Variants in GRIA1 observed in about 807,000 individuals in gnomAD.
GRIA1 encodes the protein glutamate receptor 1.
GRIA1 carries 31 observed loss-of-function variants against 99.2 expected under a neutral mutation model. That is an observed-to-expected ratio of 0.31 (90% CI 0.23 to 0.42). The LOEUF (loss-of-function observed/expected upper bound fraction) is 0.42, where lower values mean the gene tolerates loss of function less well. Ranked by LOEUF, GRIA1 falls within the 10% of genes least tolerant of loss-of-function variation. The pLI is 1.00. For missense variants in GRIA1, 782 were observed against 1,157.5 expected (o/e 0.68, Z 4.71); for synonymous variants, 438 against 432.4 (o/e 1.01, Z -0.16).
chr5:153,530,170 C>T (rs1166496315), intron 2 of GRIA1, among the ~76,000 whole-genome samples: 1 of 152,114 alleles, frequency 6.6e-6, no homozygotes, highest in East Asian at 1.9e-4. Flanking sequence ...TATACCCATC[C>T]CATAGGCAAA....
intron 11 of GRIA1, among the ~76,000 whole-genome samples, chr5:153,740,393 G>A (rs746227458): frequency 9.0e-4 from 137 of 152,330 alleles, no homozygotes; most frequent in Middle Eastern, 3.4e-3. Flanking sequence ...GAACTGAGCT[G>A]AGCCTGTCCT....
At chr5:153,604,195 CT>C (rs1288520463) in intron 2 of GRIA1, among the ~76,000 whole-genome samples, 1 of 152,032 alleles carries the variant, frequency 6.6e-6, no homozygotes, top group African/African-American at 2.4e-5. Context: ...AGAATTTCAC[CT>C]GTTTTAGTCT....
chr5:153,531,045 A>G (rs760082689), intron 2 of GRIA1, among the ~76,000 whole-genome samples: 4 of 152,242 alleles, frequency 2.6e-5, no homozygotes, highest in African/African-American at 4.8e-5. Context: ...TGGTCTGGAC[A>G]GGGACAGAGA....
chr5:153,703,551 C>T (rs537975761), intron 10 of GRIA1, among the ~76,000 whole-genome samples: 10 of 152,210 alleles, frequency 6.6e-5, no homozygotes, highest in Admixed American at 6.5e-4. Context: ...TTGAGACCAG[C>T]TTGGCCAACA....
At chr5:153,581,874 C>T (rs1316063222) in intron 2 of GRIA1, among the ~76,000 whole-genome samples, 1 of 151,998 alleles carries the variant, frequency 6.6e-6, no homozygotes, top group Non-Finnish European at 1.5e-5. Flanking sequence ...TCTCCTGCCT[C>T]AGCCTCCCAA....
At chr5:153,804,753 ATTTATTTATTTAT>A (rs1766313820) in intron 15 of GRIA1, among the ~76,000 whole-genome samples, 2 of 78,606 alleles carry the variant, frequency 2.5e-5, no homozygotes, top group Non-Finnish European at 2.4e-5. Flanking sequence ...TTATTTATTT[ATTTATTTATTTAT>A]TTTGAGACAG....
At chr5:153,494,304 C>A in intron 2 of GRIA1, 1 of 508,260 alleles carries the variant, frequency 2.0e-6, no homozygotes, top group Non-Finnish European at 3.5e-6. Flanking sequence ...TTAATGCCAG[C>A]ACGATGGGTG....
chr5:153,507,410 G>A (rs547867109), intron 2 of GRIA1, among the ~76,000 whole-genome samples: 6 of 152,100 alleles, frequency 3.9e-5, no homozygotes, highest in East Asian at 1.9e-4. Flanking sequence ...TCTCACTAGC[G>A]TCTACCCTTT....
chr5:153,492,114 A>C (rs1753968769), intron 1 of GRIA1: 1 of 1,419,080 alleles, frequency 7.0e-7, no homozygotes, highest in Admixed American at 2.4e-5. Flanking sequence ...CACTAGGGAA[A>C]GTTCGCATTG....
At chr5:153,634,135 T>G (rs1753176372) in intron 2 of GRIA1, among the ~76,000 whole-genome samples, 1 of 151,364 alleles carries the variant, frequency 6.6e-6, no homozygotes, top group Admixed American at 6.6e-5. Flanking sequence ...GCTAACACGG[T>G]GAAACCCCAT....
chr5:153,735,771 A>G (rs897398948), intron 11 of GRIA1, among the ~76,000 whole-genome samples: 4 of 152,202 alleles, frequency 2.6e-5, no homozygotes, highest in African/African-American at 9.7e-5. Flanking sequence ...TTTCTGGTCA[A>G]TTGGGAAATG....
chr5:153,583,813 G>A (rs558722701), intron 2 of GRIA1, among the ~76,000 whole-genome samples: 1 of 152,302 alleles, frequency 6.6e-6, no homozygotes, highest in East Asian at 1.9e-4. Flanking sequence ...GAAAAGGTGA[G>A]AGAAACTGAG....
At position 153,655,891 on chromosome 5, in the gene GRIA1, G is replaced by T; in HGVS notation, c.699+19G>T. The T allele has an allele frequency of 6.2e-7, 1 of 1,610,132 alleles. No homozygotes were observed. The highest frequency in any genetic ancestry group is 1.3e-5 in the African/African-American group (1 of 74,928). On this transcript the variant is annotated intron_variant, in intron 5 of 15. Transcript: ENST00000285900. ...AAATCTGGTGAGTAGAGCACTGCAG[G>T]CTCTCAGCTCAAGTCCTTTCCAGGT...
chr5:153,579,287 T>C (rs1373751002), intron 2 of GRIA1, among the ~76,000 whole-genome samples: 1 of 152,222 alleles, frequency 6.6e-6, no homozygotes, highest in Non-Finnish European at 1.5e-5. Context: ...TGTTCATTTG[T>C]TTATTGAAGT....
At chr5:153,565,817 A>T (rs951299149) in intron 2 of GRIA1, among the ~76,000 whole-genome samples, 1 of 149,620 alleles carries the variant, frequency 6.7e-6, no homozygotes, top group African/African-American at 2.5e-5. Flanking sequence ...ATGAAATATT[A>T]TAGGACTATA....
At chr5:153,542,951 G>A (rs956650338) in intron 2 of GRIA1, among the ~76,000 whole-genome samples, 2 of 152,210 alleles carry the variant, frequency 1.3e-5, no homozygotes, top group African/African-American at 4.8e-5. Context: ...GTTGGAACCA[G>A]GGTTTGGCTG....
chr5:153,491,997 C>A (rs1753958250), intron 1 of GRIA1, among the ~76,000 whole-genome samples: 1 of 152,156 alleles, frequency 6.6e-6, no homozygotes, highest in Admixed American at 6.5e-5. Context: ...TCCGTGTGAC[C>A]AGCATGTCAG....
chr5:153,586,709 A>G (rs994979528), intron 2 of GRIA1, among the ~76,000 whole-genome samples: 3 of 152,166 alleles, frequency 2.0e-5, no homozygotes, highest in Non-Finnish European at 4.4e-5. Flanking sequence ...GTCTTGGAGG[A>G]TATCATTGGA....
At chr5:153,529,755 G>A (rs1003672786) in intron 2 of GRIA1, among the ~76,000 whole-genome samples, 5 of 152,224 alleles carry the variant, frequency 3.3e-5, no homozygotes, top group Admixed American at 3.3e-4. Flanking sequence ...TGGATATCCT[G>A]AGGCTTTGGG....
Sources: gnomAD v4.1 joint callset for allele counts (sites outside exome capture counted in the v4.1 genomes callset) on GRCh38, gnomAD v4.1.1 for gene constraint, MANE v1.5 for transcripts, NCBI Gene and HGNC (gene_info 2026-07-23, HGNC 2026-07-21) for gene names.